The following SLC2A9 variants were observed in gnomAD, a reference collection of about 807,000 sequenced individuals.
SLC2A9 encodes the protein solute carrier family 2, facilitated glucose transporter member 9.
In SLC2A9, 39 loss-of-function variants were observed where a neutral mutation model predicts 50.6. That is an observed-to-expected ratio of 0.77 (90% CI 0.60 to 1.01). The LOEUF (loss-of-function observed/expected upper bound fraction) is 1.01. SLC2A9 is among the 50% of genes least tolerant of loss of function. The probability of loss-of-function intolerance (pLI) is 0.00; values close to 1 mark genes in which losing one functional copy is unlikely to be tolerated. For synonymous variants in SLC2A9, 324 were observed against 276.9 expected, an observed-to-expected ratio of 1.17 and a Z score of -1.69; for missense variants, 686 against 677.6, an observed-to-expected ratio of 1.01 and a Z score of -0.14.
chr4:9,922,712 A>C (rs6832456), intron 6 of SLC2A9: 104,692 of 151,818 alleles, frequency 0.69, 37,705 homozygotes, highest in East Asian at 0.98. Context: ...TGCCAGGGGC[A>C]CTGTGGCCTG....
At chr4:9,991,238 C>T (rs62296002) in intron 3 of SLC2A9, among the ~76,000 whole-genome samples, 5,147 of 152,308 alleles carry the variant, frequency 0.034, 115 homozygotes, top group Middle Eastern at 0.061. Context: ...AGAGCCCTTC[C>T]TCCACAAGCC....
rs992893166 is a variant in SLC2A9, at chr4:9,996,691, G to C, written c.410+90C>G. 3.5e-5 allele frequency: 52 copies of C among 1,479,756 alleles called. No individual in the cohort carries two copies. The Admixed American group carries it at 7.2e-4, about 21-fold the overall frequency. 91.7% of individuals were successfully genotyped at this position (1,479,756 alleles called of 1,614,324 possible). On this transcript the variant is annotated intron_variant, in intron 3 of 11. Transcript: ENST00000264784. ...TCTCTCCAGTTGAACTGCCTGAGTGGAGTTCTGTTGCCTGTCAGGACCCTG... is the reference window on the plus strand; with the variant it reads ...TCTCTCCAGTTGAACTGCCTGAGTGCAGTTCTGTTGCCTGTCAGGACCCTG...
chr4:9,972,130 C>T (rs1754005679), intron 5 of SLC2A9, among the ~76,000 whole-genome samples: 1 of 152,138 alleles, frequency 6.6e-6, no homozygotes, highest in South Asian at 2.1e-4. Context: ...CAGAAAGTCT[C>T]CCTGTTTGTT....
At chr4:9,813,214 G>T (rs545228625) in intron 3 of SLC2A9, among the ~76,000 whole-genome samples, 3 of 152,282 alleles carry the variant, frequency 2.0e-5, no homozygotes, top group African/African-American at 4.8e-5. Flanking sequence ...TTTAGGAAGT[G>T]GTGTTGGTGT....
chr4:9,794,580 G>A (rs1464561154), downstream of SLC2A9, among the ~76,000 whole-genome samples: 3 of 152,214 alleles, frequency 2.0e-5, no homozygotes, highest in African/African-American at 4.8e-5. Flanking sequence ...ACAAGGTGGA[G>A]ATTTAAACCT....
At chr4:9,971,171 T>C (rs748767662) in intron 5 of SLC2A9, among the ~76,000 whole-genome samples, 1 of 152,212 alleles carries the variant, frequency 6.6e-6, no homozygotes, top group Non-Finnish European at 1.5e-5. Context: ...AGAGGTTTTG[T>C]CTGTGGCTCA....
chr4:9,913,271 T>A (rs1193507618), intron 7 of SLC2A9, among the ~76,000 whole-genome samples: 1 of 151,756 alleles, frequency 6.6e-6, no homozygotes, highest in East Asian at 1.9e-4. Context: ...GATAAAGATA[T>A]AATTAATATA....
intron 3 of SLC2A9, among the ~76,000 whole-genome samples, chr4:9,801,838 G>A (rs1321509213): frequency 1.3e-5 from 2 of 152,236 alleles, no homozygotes; most frequent in Non-Finnish European, 2.9e-5. Flanking sequence ...AGGGAGACCG[G>A]CCAAAGAGAA....
intron 2 of SLC2A9, among the ~76,000 whole-genome samples, chr4:10,004,127 G>C (rs1402920832): frequency 6.6e-6 from 1 of 152,218 alleles, no homozygotes. Flanking sequence ...CTCTGTTTTA[G>C]GGGAGAAGAG....
chr4:9,929,429 G>A (rs1022782771), intron 6 of SLC2A9, among the ~76,000 whole-genome samples: 10 of 152,234 alleles, frequency 6.6e-5, no homozygotes, highest in Non-Finnish European at 1.5e-4. Flanking sequence ...AGGGGAAGAT[G>A]GGGCATTTAT....
chr4:9,883,148 C>CAT (rs1417186023), intron 10 of SLC2A9, among the ~76,000 whole-genome samples: 3 of 151,968 alleles, frequency 2.0e-5, no homozygotes, highest in Non-Finnish European at 4.4e-5. Flanking sequence ...CACACACACA[C>CAT]ACACACACAT....
chr4:9,820,486 G>T (rs1352509663), intron 3 of SLC2A9, among the ~76,000 whole-genome samples: 5 of 152,182 alleles, frequency 3.3e-5, no homozygotes, highest in African/African-American at 7.2e-5. Context: ...ATTTCTTTTG[G>T]GATTTTGATT....
chr4:10,038,950 G>A (rs972807662), intron 1 of SLC2A9, among the ~76,000 whole-genome samples: 1 of 152,210 alleles, frequency 6.6e-6, no homozygotes, highest in Non-Finnish European at 1.5e-5. Context: ...GCTAGCCATG[G>A]AATTTCTGTT....
chr4:9,955,857 A>G (rs1257227836), intron 5 of SLC2A9, among the ~76,000 whole-genome samples: 1 of 146,108 alleles, frequency 6.8e-6, no homozygotes. Flanking sequence ...GGTAGGGCTC[A>G]AGCATCTGGA....
chr4:9,780,574 C>G (rs937603755), intron 3 of SLC2A9, among the ~76,000 whole-genome samples: 1 of 152,204 alleles, frequency 6.6e-6, no homozygotes. Flanking sequence ...AAAGTCCAGT[C>G]TGTTTCTAGA....
intron 8 of SLC2A9, among the ~76,000 whole-genome samples, chr4:9,905,937 T>C (rs991431313): frequency 6.6e-6 from 1 of 152,210 alleles, no homozygotes; most frequent in Non-Finnish European, 1.5e-5. Context: ...CTTTTGGTCT[T>C]AGTTTCCTCA....
chr4:9,999,124 T>C (rs1426045508), intron 2 of SLC2A9, among the ~76,000 whole-genome samples: 1 of 150,800 alleles, frequency 6.6e-6, no homozygotes, highest in Admixed American at 6.6e-5. Context: ...CACAGCTCAC[T>C]GCAGATTTGA....
rs59081583 is a variant in SLC2A9, at chr4:9,886,424, CTGTGTGTGTGTGTGTGTGTG to C, written c.1291+1123_1291+1142del. Reference sequence around the variant, plus strand: ...AGCCGTTCTGACCACCCTCATAGCACTGTGTGTGTGTGTGTGTGTGTGTGTGTGTGTGTGTGTGTGTGTGT... The same window carrying C: ...AGCCGTTCTGACCACCCTCATAGCACTGTGTGTGTGTGTGTGTGTGTGTGT... On this transcript the variant is annotated intron_variant, in intron 10 of 11. Transcript: ENST00000264784. 8.8e-4 allele frequency among the ~76,000 whole-genome samples: 120 copies of C among 135,696 alleles called. 1 individual carries two copies. The East Asian group carries it at 0.013, about 14-fold the overall frequency. The allele number at this position is 135,696 out of a possible 152,430, so 89.0% of individuals were successfully genotyped here.
intron 3 of SLC2A9, among the ~76,000 whole-genome samples, chr4:9,820,480 C>A (rs1024834772): frequency 6.6e-6 from 1 of 152,112 alleles, no homozygotes; most frequent in African/African-American, 2.4e-5. Context: ...TATAAAATTT[C>A]TTTTGGGATT....
Sources: gnomAD v4.1 joint callset for allele counts (sites outside exome capture counted in the v4.1 genomes callset) on GRCh38, gnomAD v4.1.1 for gene constraint, MANE v1.5 for transcripts, NCBI Gene and HGNC (gene_info 2026-07-23, HGNC 2026-07-21) for gene names.